The following ANKRD6 variants were observed in gnomAD, a reference collection of about 807,000 sequenced individuals.
ANKRD6 encodes ankyrin repeat domain-containing protein 6.
ANKRD6 carries 56 observed loss-of-function variants against 82.3 expected under a neutral mutation model. The observed-to-expected ratio is 0.68, with a 90% CI of 0.55 to 0.85. ANKRD6 has a LOEUF of 0.85. ANKRD6 is among the 40% of genes least tolerant of loss of function. The pLI is 0.00. For synonymous variants in ANKRD6, 347 were observed against 352.1 expected (o/e 0.99, Z 0.16); for missense variants, 852 against 907.6 (o/e 0.94, Z 0.79).
At chr6:89,617,754 A>G (rs543893074) in intron 8 of ANKRD6, among the ~76,000 whole-genome samples, 200 bp from the exon 9 acceptor site, 7 of 152,320 alleles carry the variant, frequency 4.6e-5, no homozygotes, top group African/African-American at 1.7e-4. Context: ...CGTGTCTTCC[A>G]GTGTGACCCA....
chr6:89,504,074 A>C (rs1265920928), intron 1 of ANKRD6, among the ~76,000 whole-genome samples: 1 of 140,962 alleles, frequency 7.1e-6, no homozygotes, highest in Non-Finnish European at 1.5e-5. Flanking sequence ...GAAAAGTGAC[A>C]AGGTCTGACC....
rs1399671087 is a variant in ANKRD6 at position 89,629,096 on chromosome 6, T to G, written c.1486-16T>G. On this transcript the variant is annotated splice_polypyrimidine_tract_variant and intron_variant, in intron 14 of 15. Coordinates refer to ENST00000339746, the MANE Select transcript of ANKRD6 (RefSeq NM_001242809.2). ...CTTCTATGTACTTATTTGTGGGGTT[T>G]GTTTTTTTTTTTAAGATATCCTTGG... is the stretch of plus-strand genomic sequence containing the variant. 3 of 1,567,314 alleles carry G rather than the reference T, an allele frequency of 1.9e-6. No homozygotes were observed. The highest frequency in any genetic ancestry group is 2.6e-6 in the Non-Finnish European group (3 of 1,147,904).
intron 1 of ANKRD6, among the ~76,000 whole-genome samples, chr6:89,493,568 C>T (rs1019060477): frequency 2.0e-5 from 3 of 152,090 alleles, no homozygotes; most frequent in African/African-American, 7.2e-5. Context: ...CACTATCATG[C>T]CCAGCTAATT....
At chr6:89,465,984 G>A (rs1026140358) in intron 1 of ANKRD6, among the ~76,000 whole-genome samples, 3 of 152,152 alleles carry the variant, frequency 2.0e-5, no homozygotes, top group African/African-American at 7.2e-5. Flanking sequence ...TTGTAGAAAA[G>A]CAGATAATAT....
chr6:89,610,941 A>G (rs1479144578), intron 5 of ANKRD6, among the ~76,000 whole-genome samples: 1 of 152,142 alleles, frequency 6.6e-6, no homozygotes, highest in Non-Finnish European at 1.5e-5. Context: ...GGCCACATAA[A>G]TCAGAGTCCC....
chr6:89,566,485 T>A (rs1457903618), intron 1 of ANKRD6, among the ~76,000 whole-genome samples: 1 of 152,160 alleles, frequency 6.6e-6, no homozygotes, highest in East Asian at 1.9e-4. Flanking sequence ...CACGGTACAG[T>A]TCCCTGCCAA....
Position 89,580,857 on chromosome 6 carries a change from G to C in ANKRD6, c.120+13761G>C, listed in dbSNP as rs186201231. Among the ~76,000 whole-genome samples, 38 of 152,270 alleles carry C rather than the reference G, an allele frequency of 2.5e-4. 1 individual carries two copies. The highest frequency in any genetic ancestry group is 4.6e-4 in the Admixed American group (7 of 15,296). On this transcript the variant is annotated intron_variant, in intron 2 of 15. Coordinates refer to ENST00000339746, the MANE Select transcript of ANKRD6 (RefSeq NM_001242809.2). ...TTTAAGCTGTCACTCCCCAGGACGT[G>C]GGGGAAATTGACACTTACAAGGTGG... is the stretch of plus-strand genomic sequence containing the variant.
intron 2 of ANKRD6, among the ~76,000 whole-genome samples, chr6:89,593,132 T>C (rs1795220651): frequency 6.6e-6 from 1 of 152,120 alleles, no homozygotes; most frequent in Admixed American, 6.5e-5. Context: ...CCAGGCAGCT[T>C]CTCTCCTTGC....
intron 1 of ANKRD6, among the ~76,000 whole-genome samples, chr6:89,554,105 C>T (rs372296293): frequency 6.6e-6 from 1 of 152,196 alleles, no homozygotes; most frequent in South Asian, 2.1e-4. Context: ...GCATCCATTA[C>T]GTAGAAGGCA....
intron 1 of ANKRD6, among the ~76,000 whole-genome samples, chr6:89,517,232 C>T (rs1018798473): frequency 7.2e-5 from 11 of 152,174 alleles, no homozygotes; most frequent in Non-Finnish European, 1.5e-4. Context: ...GAAACCTATA[C>T]AGTTGGTCTG....
chr6:89,434,539 G>A (rs146107617), intron 1 of ANKRD6, among the ~76,000 whole-genome samples: 119 of 152,236 alleles, frequency 7.8e-4, no homozygotes, highest in African/African-American at 2.7e-3. Context: ...CAGGCTGTAA[G>A]CTTTGACCTC....
intron 2 of ANKRD6, among the ~76,000 whole-genome samples, chr6:89,588,029 CT>C (rs2128133128): frequency 6.6e-6 from 1 of 152,212 alleles, no homozygotes; most frequent in South Asian, 2.1e-4. Flanking sequence ...GGACTTTGAA[CT>C]TTTCTGACCC....
chr6:89,541,840 T>C (rs1291114357), intron 1 of ANKRD6, among the ~76,000 whole-genome samples: 2 of 151,490 alleles, frequency 1.3e-5, no homozygotes, highest in Non-Finnish European at 2.9e-5. Flanking sequence ...TGTAGTTTTC[T>C]TATGGAGTCT....
intron 1 of ANKRD6, among the ~76,000 whole-genome samples, chr6:89,519,671 AG>A (rs1159332069): frequency 1.3e-5 from 2 of 152,194 alleles, no homozygotes; most frequent in African/African-American, 4.8e-5. Flanking sequence ...TGAATTTGAA[AG>A]GCTTGGGCCT....
At chr6:89,629,590 T>A (rs1327854706) in intron 15 of ANKRD6, 1 of 317,820 alleles carries the variant, frequency 3.1e-6, no homozygotes. Context: ...CTCCCTTGCC[T>A]TTTGTGCCTT....
intron 1 of ANKRD6, among the ~76,000 whole-genome samples, chr6:89,530,140 A>G (rs1230559676): frequency 6.6e-6 from 1 of 152,132 alleles, no homozygotes; most frequent in African/African-American, 2.4e-5. Context: ...TTGTTGTCCC[A>G]GCAACTTGAG....
Position 89,624,558 on chromosome 6 carries a change from G to A in ANKRD6, c.1238G>A (p.Arg413Gln), listed in dbSNP as rs1234779284. 2.0e-5 allele frequency: 31 copies of A among 1,552,986 alleles called. No individual in the cohort carries two copies. The East Asian group carries it at 4.9e-4, about 24-fold the overall frequency. The change falls in exon 13 of 16, where the codon CGA becomes CAA. Residue 413 changes from arginine to glutamine, a missense_variant. Arg to Gln is a conservative substitution (Grantham distance 43). Coordinates refer to ENST00000339746, the MANE Select transcript of ANKRD6 (RefSeq NM_001242809.2). ...KVMQAPINGC[R>Q]CEPLINKLEN... ...TCTTAGGCACCAATAAATGGTTGTC[G>A]ATGTGAACCTCTAATCAACAAGCTG... is the stretch of plus-strand genomic sequence containing the variant.
intron 8 of ANKRD6, among the ~76,000 whole-genome samples, 189 bp from the exon 9 acceptor site, chr6:89,617,764 AC>A (rs1801958359): frequency 6.6e-6 from 1 of 151,832 alleles, no homozygotes; most frequent in South Asian, 2.1e-4. Context: ...AGTGTGACCC[AC>A]CTCCCTCACT....
At chr6:89,608,135 G>T (rs1406984317) in intron 5 of ANKRD6, among the ~76,000 whole-genome samples, 1 of 152,210 alleles carries the variant, frequency 6.6e-6, no homozygotes, top group Non-Finnish European at 1.5e-5. Flanking sequence ...ATTTGCAGTT[G>T]AGGTAAGAAG....
Sources: allele counts gnomAD v4.1 joint callset (sites outside exome capture counted in the v4.1 genomes callset), GRCh38; gene constraint gnomAD v4.1.1; transcripts MANE v1.5; gene names NCBI Gene and HGNC (gene_info 2026-07-23, HGNC 2026-07-21).